Variants in SLC17A9 observed in about 807,000 individuals in gnomAD.
The protein encoded by SLC17A9 is solute carrier family 17 member 9.
A neutral mutation model predicts 55.0 loss-of-function variants in SLC17A9; 49 were observed. That is an observed-to-expected ratio of 0.89 (90% CI 0.71 to 1.13). The LOEUF is 1.13. Among genes scored for constraint, SLC17A9 ranks in the 50% most tolerant of loss-of-function variants. The probability of loss-of-function intolerance (pLI) is 0.00; values close to 1 mark genes in which losing one functional copy is unlikely to be tolerated. For synonymous variants in SLC17A9, 256 were observed against 247.4 expected, an observed-to-expected ratio of 1.03 and a Z score of -0.32; for missense variants, 526 against 569.3, an observed-to-expected ratio of 0.92 and a Z score of 0.77.
chr20:62,964,963 C>T (rs2065621923), intron 8 of SLC17A9, 169 bp from the exon 9 acceptor site: 1 of 706,674 alleles, frequency 1.4e-6, no homozygotes, highest in African/African-American at 1.8e-5. Context: ...GCGGCTGCAC[C>T]CCACATGCGT....
intron 1 of SLC17A9, chr20:62,953,367 G>A: frequency 7.0e-7 from 1 of 1,424,560 alleles, no homozygotes; most frequent in South Asian, 1.2e-5. Flanking sequence ...CTCCCCGCTG[G>A]CTTCAGCTCT....
rs959558491 is a variant in SLC17A9 at position 62,962,716 on chromosome 20, G to C, written c.590G>C (p.Trp197Ser). 1 of 1,613,942 alleles carries C rather than the reference G, an allele frequency of 6.2e-7. No individual in the cohort carries two copies. The highest frequency in any genetic ancestry group is 8.5e-7 in the Non-Finnish European group (1 of 1,179,942). The change falls in exon 5 of 13, where the codon TGG (tryptophan) becomes TCG (serine). Residue 197 changes from tryptophan to serine, a missense_variant. Trp to Ser is a radical substitution (Grantham distance 177, BLOSUM62 -3). Coordinates refer to ENST00000370351, the MANE Select transcript of SLC17A9 (RefSeq NM_022082.4). This position sits in a 1 kb window ranked among gnomAD's most constrained non-coding sequence, Gnocchi z 5.5. ...TTCTCCGGCGGCCTCACCTTGCTTTGGGTGTGGTACGTGTACAGGTACCTG... is the reference window on the plus strand; with the variant it reads ...TTCTCCGGCGGCCTCACCTTGCTTTCGGTGTGGTACGTGTACAGGTACCTG... ...FYFSGGLTLL[W>S]VWYVYRYLLS...
intron 12 of SLC17A9, 59 bp from the exon 13 acceptor site, chr20:62,967,278 G>A: frequency 6.3e-7 from 1 of 1,596,090 alleles, no homozygotes; most frequent in Non-Finnish European, 8.6e-7. Context: ...GAACCAGGGT[G>A]GGGTGTGGGG....
chr20:62,966,685 G>T lies in SLC17A9; in HGVS notation c.1118-18G>T. On this transcript the variant is annotated intron_variant, in intron 11 of 12. Coordinates refer to ENST00000370351, the MANE Select transcript of SLC17A9 (RefSeq NM_022082.4). Reference sequence around the variant, plus strand: ...TTGCTGACCATCCATATTCTCTCTCGCTCTGGCCTCTTCACAGGTGTGGCC... The same window carrying T: ...TTGCTGACCATCCATATTCTCTCTCTCTCTGGCCTCTTCACAGGTGTGGCC... The T allele has an allele frequency of 1.2e-6, 2 of 1,613,838 alleles. No homozygotes were observed. Among genetic ancestry groups the T allele is most frequent in the Non-Finnish European group, 1.7e-6 (2 of 1,179,916 alleles).
rs1568911149 is a variant in SLC17A9, at chr20:62,956,781, T to C, written c.76T>C (p.Trp26Arg). Residue 26 changes from tryptophan (W) to arginine (R), a missense_variant, in exon 2 of 13, where the codon TGG becomes CGG. Trp to Arg is a moderately radical substitution (Grantham distance 101). Coordinates refer to ENST00000370351, the MANE Select transcript of SLC17A9 (RefSeq NM_022082.4). ...GTCCCACAGGCCCGAGTGCCAGGCATGGACGGGGACGCTGCTGCTGGGCAC... is the reference window on the plus strand; with the variant it reads ...GTCCCACAGGCCCGAGTGCCAGGCACGGACGGGGACGCTGCTGCTGGGCAC... ...TQWSRPECQAWTGTLLLGTCL... is the reference protein window; with the variant it reads ...TQWSRPECQARTGTLLLGTCL... 1 of 1,612,066 alleles carries C rather than the reference T, an allele frequency of 6.2e-7. No homozygotes were observed. The highest frequency in any genetic ancestry group is 8.5e-7 in the Non-Finnish European group (1 of 1,179,740).
rs923703820 is a variant in SLC17A9 at position 62,963,619 on chromosome 20, C to A, written c.761C>A (p.Ser254Tyr). 1 of 1,603,052 alleles carries A rather than the reference C, an allele frequency of 6.2e-7. No homozygotes were observed. Residue 254 changes from serine (S) to tyrosine (Y), a missense_variant, in exon 7 of 13, where the codon TCC becomes TAC. Ser to Tyr is a moderately radical substitution (Grantham distance 144). Transcript: ENST00000370351. ...GTCTCCCAGCTCTCTGCAGCCTGCT[C>A]CTTCTTCATCCTCCTCTCCTGGCTG... ...AVVSQLSAAC[S>Y]FFILLSWLPT...
chr20:62,967,216 G>GGGGC (rs2065648735), intron 12 of SLC17A9, 121 bp from the exon 13 acceptor site: 2 of 1,191,764 alleles, frequency 1.7e-6, no homozygotes, highest in East Asian at 4.7e-5. Context: ...GGGAACCATG[G>GGGGC]GGGCTCCTAT....
Position 62,968,601 on chromosome 20 carries a change from T to C in SLC17A9, c.*1101T>C, listed in dbSNP as rs549548717. On this transcript the variant is annotated 3_prime_UTR_variant, in exon 13 of 13. Transcript: ENST00000370351. ...CTATTAAACTATTCAAAAAGAAGAC[T>C]GTTATTTTATTTAACACCTTTGTTT... is the stretch of plus-strand genomic sequence containing the variant. The C allele has an allele frequency of 5.9e-5, 9 of 152,380 alleles. No homozygotes were observed. In the South Asian group the frequency reaches 1.7e-3, roughly 28 times the overall value. The allele number at this position is 152,380 out of a possible 1,614,324, so 9.4% of individuals were successfully genotyped here. A position where few individuals can be genotyped will look rare whatever the true frequency, so the allele number is the denominator to read the frequency against.
chr20:62,963,810 G>A, intron 7 of SLC17A9, 130 bp downstream of exon 7: 1 of 816,726 alleles, frequency 1.2e-6, no homozygotes, highest in Non-Finnish European at 1.9e-6. Flanking sequence ...GAGGGTCCTG[G>A]CACTGCCAGG....
chr20:62,956,366 A>T (rs886917368), intron 1 of SLC17A9, among the ~76,000 whole-genome samples: 3 of 152,146 alleles, frequency 2.0e-5, no homozygotes, highest in East Asian at 3.9e-4. Flanking sequence ...GCAGGGGCAG[A>T]CAGGACCTTT....
chr20:62,964,307 TCAATCAGGGTGAG>T lies in SLC17A9; in HGVS notation c.904_910+6del. 5 of 1,614,060 alleles carry T rather than the reference TCAATCAGGGTGAG, an allele frequency of 3.1e-6. No individual in the cohort carries two copies. The highest frequency in any genetic ancestry group is 4.2e-6 in the Non-Finnish European group (5 of 1,179,926). On this transcript the variant is annotated splice_donor_variant and splice_donor_5th_base_variant and coding_sequence_variant and intron_variant, in exon 8 of 13. Coordinates refer to ENST00000370351, the MANE Select transcript of SLC17A9 (RefSeq NM_022082.4). LOFTEE classifies it high-confidence loss of function. ...AGCGGGTTTCTCTCTGATCATCTCATCAATCAGGGTGAGCCCCAGGGAGGGGACCGGGGCTGGA... is the reference window on the plus strand; with the variant it reads ...AGCGGGTTTCTCTCTGATCATCTCATCCCCAGGGAGGGGACCGGGGCTGGA...
At chr20:62,960,248 G>C (rs577439447) in intron 3 of SLC17A9, among the ~76,000 whole-genome samples, 2 of 152,370 alleles carry the variant, frequency 1.3e-5, no homozygotes, top group East Asian at 1.9e-4. Context: ...GCGTGTTCGC[G>C]GGGTGGGAGG....
Position 62,963,635 on chromosome 20 carries a change from C to T in SLC17A9, c.777C>T (p.Leu259=), listed in dbSNP as rs766610851. Residue 259 remains leucine, a synonymous_variant, in exon 7 of 13, where the codon CTC becomes CTT. Transcript: ENST00000370351. ...CAGCCTGCTCCTTCTTCATCCTCCT[C>T]TCCTGGCTGCCCACCTTCTTCGAGG... ...LSAACSFFIL[L]SWLPTFFEET... 9 of 1,603,794 alleles carry T rather than the reference C, an allele frequency of 5.6e-6. No individual in the cohort carries two copies. The East Asian group carries it at 1.8e-4, about 32-fold the overall frequency.
At chr20:62,963,820 G>GA in intron 7 of SLC17A9, 140 bp downstream of exon 7, 1 of 782,308 alleles carries the variant, frequency 1.3e-6, no homozygotes, top group Non-Finnish European at 2.0e-6. Flanking sequence ...GCACTGCCAG[G>GA]CTCTTCCTCT....
In SLC17A9 at chr20:62,967,569, T is replaced by C. The variant is rs1397791511; in HGVS notation, c.*69T>C. The C allele has an allele frequency of 2.7e-6, 4 of 1,493,480 alleles. No individual in the cohort carries two copies. Among genetic ancestry groups the C allele is most frequent in the African/African-American group, 1.4e-5 (1 of 70,956 alleles). The allele number at this position is 1,493,480 out of a possible 1,614,324, so 92.5% of individuals were successfully genotyped here. On this transcript the variant is annotated 3_prime_UTR_variant, in exon 13 of 13. Coordinates refer to ENST00000370351, the MANE Select transcript of SLC17A9 (RefSeq NM_022082.4). The stretch of plus-strand genomic sequence containing the variant: ...CCCAGGACACAGGGGACTCAGTGTG[T>C]GGGACTTGGTCACTCCATGTCAGAC...
In SLC17A9 at chr20:62,965,116, TG is replaced by T. The variant is rs151309454; in HGVS notation, c.911-14del. On this transcript the variant is annotated splice_polypyrimidine_tract_variant and intron_variant, in intron 8 of 12. Transcript: ENST00000370351. The stretch of plus-strand genomic sequence containing the variant: ...AAAGGGCTAACGGGAGCCCCTTCCT[TG>T]GCCTCCCCCTGTAGGTTACAGAGCC... 31,061 of 1,613,952 alleles carry T rather than the reference TG, an allele frequency of 0.019. 350 individuals are homozygous for T. Among genetic ancestry groups the T allele is most frequent in the Non-Finnish European group, 0.023 (26,650 of 1,179,946 alleles).
At chr20:62,953,593 G>A (rs1246111164) in intron 1 of SLC17A9, among the ~76,000 whole-genome samples, 7 of 152,244 alleles carry the variant, frequency 4.6e-5, no homozygotes, top group Non-Finnish European at 8.8e-5. Context: ...TTGGGCTGAG[G>A]CCTTAAGTGG....
Position 62,956,921 on chromosome 20 carries a change from C to G in SLC17A9, c.216C>G (p.Gly72=). 1 of 1,613,600 alleles carries G rather than the reference C, an allele frequency of 6.2e-7. No individual in the cohort carries two copies. Among genetic ancestry groups the G allele is most frequent in the Non-Finnish European group, 8.5e-7 (1 of 1,180,028 alleles). Residue 72 remains glycine, a synonymous_variant, in exon 2 of 13, where the codon GGC becomes GGG. Coordinates refer to ENST00000370351, the MANE Select transcript of SLC17A9 (RefSeq NM_022082.4). ...TCGTGCTCAGCAGCTTCTTCTGGGG[C>G]TACTGCCTGACACAGGTTGTGGGCG... ...AGIVLSSFFW[G]YCLTQVVGGH...
chr20:62,954,139 C>T (rs954461068), intron 1 of SLC17A9, among the ~76,000 whole-genome samples: 2 of 116,322 alleles, frequency 1.7e-5, no homozygotes, highest in Non-Finnish European at 3.7e-5. Flanking sequence ...GCAGCCTTCA[C>T]TACGTCCCTC....
Sources: allele counts gnomAD v4.1 joint callset (sites outside exome capture counted in the v4.1 genomes callset), GRCh38; gene constraint gnomAD v4.1.1; non-coding constraint Gnocchi (gnomAD v3.1); transcripts MANE v1.5; gene names NCBI Gene and HGNC (gene_info 2026-07-23, HGNC 2026-07-21).